The following USP34 variants were observed in gnomAD, a reference collection of about 807,000 sequenced individuals.
USP34 encodes the protein ubiquitin specific peptidase 34, also known as ubiquitin carboxyl-terminal hydrolase 34.
A neutral mutation model predicts 460.3 loss-of-function variants in USP34; 70 were observed. The ratio of observed to expected loss-of-function variants is 0.15; its 90% CI spans 0.13 to 0.19. USP34 has a LOEUF of 0.19. Ranked by LOEUF, USP34 falls within the 10% of genes least tolerant of loss-of-function variation. The probability of loss-of-function intolerance (pLI) is 1.00; values close to 1 mark genes in which losing one functional copy is unlikely to be tolerated. For synonymous variants in USP34, 1,647 were observed against 1,405.3 expected (o/e 1.17, Z -3.85); for missense variants, 3,985 against 4,236.2 (o/e 0.94, Z 1.65).
intron 68 of USP34, 115 bp from the exon 69 acceptor site, chr2:61,212,044 A>T: frequency 7.0e-6 from 9 of 1,283,126 alleles, no homozygotes; most frequent in Non-Finnish European, 9.3e-6. Context: ...AAGCTAGATT[A>T]TACTTCCATT....
intron 30 of USP34, among the ~76,000 whole-genome samples, chr2:61,295,809 C>T (rs1690008783): frequency 6.6e-6 from 1 of 152,212 alleles, no homozygotes. Context: ...ATCTTCTTCA[C>T]TTCCAAGTCT....
At chr2:61,339,085 A>G (rs1417610633) in intron 18 of USP34, among the ~76,000 whole-genome samples, 1 of 152,222 alleles carries the variant, frequency 6.6e-6, no homozygotes, top group Non-Finnish European at 1.5e-5. Context: ...CAGAATCAAA[A>G]AGATAGTATT....
At chr2:61,349,221 T>C (rs1356305777) in intron 13 of USP34, 29 bp downstream of exon 13, 2 of 1,604,886 alleles carry the variant, frequency 1.2e-6, no homozygotes, top group Non-Finnish European at 1.7e-6. Flanking sequence ...CTAAGTCATG[T>C]TGCCATGAAT....
intron 20 of USP34, among the ~76,000 whole-genome samples, chr2:61,326,772 T>C (rs1691103112): frequency 7.1e-6 from 1 of 141,038 alleles, no homozygotes; most frequent in African/African-American, 2.6e-5. Context: ...AGAAGGTCAA[T>C]GGGCATTTTT....
intron 2 of USP34, among the ~76,000 whole-genome samples, chr2:61,408,916 A>T (rs1266580828): frequency 6.6e-6 from 1 of 151,924 alleles, no homozygotes; most frequent in Non-Finnish European, 1.5e-5. Context: ...ACAAAAACAA[A>T]GTGAGGTCAT....
intron 18 of USP34, among the ~76,000 whole-genome samples, chr2:61,336,867 C>T (rs1406145959): frequency 2.8e-5 from 4 of 145,158 alleles, no homozygotes; most frequent in Admixed American, 2.1e-4. Flanking sequence ...CCAAAAATAA[C>T]TGCATTGTAG....
chr2:61,311,092 C>T (rs1690578397), intron 27 of USP34, among the ~76,000 whole-genome samples: 1 of 152,116 alleles, frequency 6.6e-6, no homozygotes, highest in African/African-American at 2.4e-5. Flanking sequence ...TTCAAAGTTG[C>T]TGCTATGGTT....
intron 41 of USP34, among the ~76,000 whole-genome samples, chr2:61,270,062 C>T (rs932808378): frequency 3.3e-5 from 5 of 152,204 alleles, no homozygotes; most frequent in Non-Finnish European, 5.9e-5. Flanking sequence ...TCATCCCATC[C>T]CTTCCCAGCC....
At chr2:61,242,658 G>A (rs1688302346) in intron 51 of USP34, among the ~76,000 whole-genome samples, 1 of 152,156 alleles carries the variant, frequency 6.6e-6, no homozygotes, top group Non-Finnish European at 1.5e-5. Context: ...GAATTTAGTG[G>A]TGGGGCTTCT....
At chr2:61,262,144 T>C (rs2103908935) in intron 43 of USP34, among the ~76,000 whole-genome samples, 1 of 131,970 alleles carries the variant, frequency 7.6e-6, no homozygotes, top group East Asian at 2.1e-4. Flanking sequence ...GATAGATAGA[T>C]AGATAGATAG....
Position 61,442,898 on chromosome 2 carries a change from T to TACACACACACACACAC in USP34, c.44-22081_44-22066dup, listed in dbSNP as rs58151221. 1.4e-3 allele frequency among the ~76,000 whole-genome samples: 208 copies of TACACACACACACACAC among 147,296 alleles called. 1 individual carries two copies. Among genetic ancestry groups the TACACACACACACACAC allele is most frequent in the East Asian group, 7.0e-3 (35 of 5,010 alleles). On this transcript the variant is annotated intron_variant, in intron 1 of 79. Transcript: ENST00000398571. ...ATGGATAAACAAAATGTGATGTGTGTACACACACACACACACACACACACA... is the reference window on the plus strand; with the variant it reads ...ATGGATAAACAAAATGTGATGTGTGTACACACACACACACACACACACACACACACACACACACACA...
intron 1 of USP34, among the ~76,000 whole-genome samples, chr2:61,461,339 G>A (rs1695593945): frequency 6.6e-6 from 1 of 151,606 alleles, no homozygotes; most frequent in South Asian, 2.1e-4. Flanking sequence ...GTTGCAGTGA[G>A]CCGAGATGGC....
chr2:61,256,783 G>A (rs1031135553), intron 47 of USP34, 90 bp downstream of exon 47: 12 of 992,992 alleles, frequency 1.2e-5, no homozygotes, highest in Non-Finnish European at 1.3e-5. Context: ...CATGAAAAAA[G>A]TTTAAAAATA....
rs543947054 is a variant in USP34 at position 61,330,187 on chromosome 2, T to C, written c.2930+1089A>G. 6.8e-4 allele frequency among the ~76,000 whole-genome samples: 103 copies of C among 152,322 alleles called. 1 individual carries two copies. Among genetic ancestry groups the C allele is most frequent in the African/African-American group, 2.3e-3 (97 of 41,566 alleles). On this transcript the variant is annotated intron_variant, in intron 20 of 79. Coordinates refer to ENST00000398571, the MANE Select transcript of USP34 (RefSeq NM_014709.4). Reference sequence around the variant, plus strand: ...TTCTTTGTGTGTGACGTTGGACAAGTTGTCATATCATATAGCTTCAGTATA... The same window carrying C: ...TTCTTTGTGTGTGACGTTGGACAAGCTGTCATATCATATAGCTTCAGTATA...
intron 5 of USP34, among the ~76,000 whole-genome samples, chr2:61,388,698 G>T (rs1693246327): frequency 6.6e-6 from 1 of 151,998 alleles, no homozygotes. Flanking sequence ...AGAGCTTGCA[G>T]TGAGCTGAGA....
chr2:61,350,477 G>C, intron 11 of USP34, 88 bp from the exon 12 acceptor site: 1 of 1,540,778 alleles, frequency 6.5e-7, no homozygotes, highest in Non-Finnish European at 8.7e-7. Flanking sequence ...GAAATGCCAA[G>C]ACAATAAAAT....
chr2:61,470,431 T>C (rs1208709073), intron 1 of USP34, among the ~76,000 whole-genome samples: 1 of 150,180 alleles, frequency 6.7e-6, no homozygotes, highest in East Asian at 2.0e-4. Context: ...GAGCCGGAGC[T>C]CCGCGGCGGC....
At chr2:61,372,913 T>G (rs929296339) in intron 8 of USP34, among the ~76,000 whole-genome samples, 1 of 151,988 alleles carries the variant, frequency 6.6e-6, no homozygotes, top group South Asian at 2.1e-4. Flanking sequence ...AACCAAGAAG[T>G]AGAACAAACT....
chr2:61,269,721 G>A (rs1689156813), intron 41 of USP34, among the ~76,000 whole-genome samples: 1 of 152,070 alleles, frequency 6.6e-6, no homozygotes, highest in South Asian at 2.1e-4. Flanking sequence ...GATTTATTTT[G>A]TTAATGTACA....
Sources: allele counts gnomAD v4.1 joint callset (sites outside exome capture counted in the v4.1 genomes callset), GRCh38; gene constraint gnomAD v4.1.1; transcripts MANE v1.5; gene names NCBI Gene and HGNC (gene_info 2026-07-23, HGNC 2026-07-21).